Variants in CEP350 observed in about 807,000 individuals in gnomAD.
CEP350 encodes the protein centrosome-associated protein 350.
Under a neutral mutation model 331.8 loss-of-function variants are expected in CEP350, and 126 were observed. The observed-to-expected ratio is 0.38, with a 90% CI of 0.33 to 0.44. The LOEUF is 0.44. CEP350 is among the 20% of genes least tolerant of loss of function. The pLI is 1.00. For synonymous variants in CEP350, 1,200 were observed against 1,259.5 expected, an observed-to-expected ratio of 0.95 and a Z score of 1.00; for missense variants, 3,406 against 3,634.6, an observed-to-expected ratio of 0.94 and a Z score of 1.62.
In CEP350 at chr1:180,105,413, T is replaced by C. The variant is rs1250115046; in HGVS notation, c.9190-5584T>C. Among the ~76,000 whole-genome samples the C allele has an allele frequency of 2.6e-5, 4 of 152,276 alleles. No homozygotes were observed. In the East Asian group the frequency reaches 7.7e-4, roughly 29 times the overall value. On this transcript the variant is annotated intron_variant, in intron 37 of 37. Coordinates refer to ENST00000367607, the MANE Select transcript of CEP350 (RefSeq NM_014810.5). ...CATATCTCCAGCCTAGGACTCTTGCTTGACTCCAGATGCATATAGCCATTT... is the reference window on the plus strand; with the variant it reads ...CATATCTCCAGCCTAGGACTCTTGCCTGACTCCAGATGCATATAGCCATTT...
chr1:180,013,744 T>G, intron 9 of CEP350, 103 bp from the exon 10 acceptor site: 1 of 1,066,174 alleles, frequency 9.4e-7, no homozygotes, highest in East Asian at 2.4e-5. Flanking sequence ...AATTTGAGTT[T>G]AAGTAAGATA....
At chr1:180,018,376 T>A (rs1177919386) in intron 11 of CEP350, among the ~76,000 whole-genome samples, 1 of 152,158 alleles carries the variant, frequency 6.6e-6, no homozygotes. Context: ...ACCATCAACA[T>A]ATCACCTGCT....
chr1:180,054,022 A>G (rs373406752), intron 24 of CEP350, 88 bp downstream of exon 24: 1 of 1,041,450 alleles, frequency 9.6e-7, no homozygotes, highest in Non-Finnish European at 1.3e-6. Flanking sequence ...TCCTCATTTC[A>G]TTTGATTAGA....
At chr1:180,053,992 T>C in intron 24 of CEP350, 58 bp downstream of exon 24, 1 of 1,316,762 alleles carries the variant, frequency 7.6e-7, no homozygotes, top group East Asian at 2.4e-5. Context: ...GAATGCTTTA[T>C]ATTTTAAGAT....
chr1:180,015,146 C>G (rs1453398494), intron 10 of CEP350, among the ~76,000 whole-genome samples: 3 of 151,972 alleles, frequency 2.0e-5, no homozygotes, highest in African/African-American at 7.3e-5. Flanking sequence ...TCAAGGGTGG[C>G]AGAGGCAAAA....
intron 22 of CEP350, among the ~76,000 whole-genome samples, chr1:180,052,053 A>G (rs1279920033): frequency 6.6e-6 from 1 of 152,222 alleles, no homozygotes; most frequent in African/African-American, 2.4e-5. Flanking sequence ...GGATGGGTAC[A>G]AAAGCAATTG....
rs1164819412 is a variant in CEP350, at chr1:180,065,205, A to G, written c.5500A>G (p.Ile1834Val). 7 of 1,613,738 alleles carry G rather than the reference A, an allele frequency of 4.3e-6. No homozygotes were observed. The highest frequency in any genetic ancestry group is 1.3e-5 in the African/African-American group (1 of 74,910). ...LETRSPSPIS[I>V]SSSETSSIMQ... ...GACCCGCAGTCCTTCTCCCATTTCA[A>G]TCTCCAGCAGTGAAACTAGCAGCAT... The change falls in exon 27 of 38, where the codon ATC becomes GTC. Residue 1834 changes from isoleucine to valine, a missense_variant. This residue lies in a region of CEP350 where 1,415 missense variants were observed against 1,512.3 expected (regional missense o/e 0.94). Coordinates refer to ENST00000367607, the MANE Select transcript of CEP350 (RefSeq NM_014810.5).
At chr1:179,960,476 G>C (rs574186066) in intron 1 of CEP350, among the ~76,000 whole-genome samples, 38 of 152,262 alleles carry the variant, frequency 2.5e-4, no homozygotes, top group Admixed American at 6.5e-4. Context: ...TGCATTATTT[G>C]AGAAATTTTA....
At chr1:179,987,751 G>A (rs1368796069) in intron 3 of CEP350, among the ~76,000 whole-genome samples, 7 of 151,274 alleles carry the variant, frequency 4.6e-5, no homozygotes, top group Non-Finnish European at 1.0e-4. Context: ...ACATGGCAAA[G>A]CCCTGTCTCT....
intron 1 of CEP350, chr1:179,968,796 T>C (rs1651211186): frequency 1.9e-5 from 13 of 686,046 alleles, no homozygotes; most frequent in South Asian, 1.8e-4. Flanking sequence ...ACATCATAAA[T>C]CTGAAGAGGA....
rs746595319 is a variant in CEP350, at chr1:180,034,044, C to T, written c.3908C>T (p.Ala1303Val). The change falls in exon 16 of 38, where the codon GCC becomes GTC. Residue 1303 changes from alanine to valine, a missense_variant. This residue lies in a region of CEP350 where 1,857 missense variants were observed against 1,909.2 expected (regional missense o/e 0.97). Transcript: ENST00000367607. ...NAPLTDLNPA[A>V]SRTTTENMAP... The stretch of plus-strand genomic sequence containing the variant: ...CCTCTCACTGATCTGAACCCGGCAG[C>T]CAGCAGAACAACGACAGAGAACATG... The T allele has an allele frequency of 7.2e-5, 116 of 1,613,602 alleles. No homozygotes were observed. The highest frequency in any genetic ancestry group is 1.3e-4 in the Admixed American group (8 of 59,952).
chr1:180,062,829 C>T (rs1452756170), intron 26 of CEP350, among the ~76,000 whole-genome samples: 1 of 152,172 alleles, frequency 6.6e-6, no homozygotes, highest in African/African-American at 2.4e-5. Flanking sequence ...TCTGATTTCC[C>T]ACTGTCTTAA....
chr1:180,000,616 G>C (rs577288910), intron 6 of CEP350: 55 of 179,706 alleles, frequency 3.1e-4, no homozygotes, highest in Non-Finnish European at 5.7e-4. Context: ...CTTGTCACCA[G>C]CAAAATGGGT....
At position 180,050,690 on chromosome 1, in the gene CEP350, AC is replaced by A. The variant is rs58430701; in HGVS notation, c.4792+1986del. Among the ~76,000 whole-genome samples, 1,188 of 147,122 alleles carry A rather than the reference AC, an allele frequency of 8.1e-3. 5 individuals carry two copies. Among genetic ancestry groups the A allele is most frequent in the African/African-American group, 0.029 (1,101 of 38,440 alleles). ...AAAAAAACCAAAAAAAAAAAAAAAA[AC>A]AAAAAAACCTCAATAATAGGAAAAA... is the stretch of plus-strand genomic sequence containing the variant. On this transcript the variant is annotated intron_variant, in intron 22 of 37. Transcript: ENST00000367607.
intron 1 of CEP350, among the ~76,000 whole-genome samples, chr1:179,979,917 G>A (rs779810449): frequency 3.9e-5 from 6 of 152,080 alleles, no homozygotes; most frequent in Non-Finnish European, 5.9e-5. Context: ...GCAGTACTAT[G>A]CTGTTTTGGT....
rs1257221567 is a variant in CEP350, at chr1:180,011,965, A to G, written c.1283A>G (p.Asp428Gly). 3 of 1,602,128 alleles carry G rather than the reference A, an allele frequency of 1.9e-6. No individual in the cohort carries two copies. Among genetic ancestry groups the G allele is most frequent in the African/African-American group, 1.3e-5 (1 of 74,648 alleles). ...CTTATAAGTACATCTTCTTGGCGAGATGGACAAAAATTAGTAAAGAAGATT... is the reference window on the plus strand; with the variant it reads ...CTTATAAGTACATCTTCTTGGCGAGGTGGACAAAAATTAGTAAAGAAGATT... ...SHLISTSSWR[D>G]GQKLVKKILG... The change falls in exon 9 of 38, where the codon GAT (aspartate) becomes GGT (glycine). Residue 428 changes from aspartate (D) to glycine (G), a missense_variant. Physicochemically the swap from Asp to Gly is moderately conservative, Grantham distance 94. This residue lies in a region of CEP350 where 1,857 missense variants were observed against 1,909.2 expected (regional missense o/e 0.97). Transcript: ENST00000367607.
intron 1 of CEP350, among the ~76,000 whole-genome samples, chr1:179,972,258 A>G (rs557882922): frequency 6.6e-6 from 1 of 152,314 alleles, no homozygotes; most frequent in Non-Finnish European, 1.5e-5. Flanking sequence ...GAGGTCGCCC[A>G]GCGAGAGAGT....
chr1:179,977,586 A>T (rs1420800937), intron 1 of CEP350, among the ~76,000 whole-genome samples: 2 of 152,180 alleles, frequency 1.3e-5, no homozygotes, highest in African/African-American at 4.8e-5. Context: ...CTATTTGCAG[A>T]TAATTGAAGA....
intron 10 of CEP350, 101 bp from the exon 11 acceptor site, chr1:180,015,748 T>G: frequency 5.0e-4 from 659 of 1,317,658 alleles, no homozygotes; most frequent in Non-Finnish European, 6.2e-4. Context: ...CTACATTTTA[T>G]GATCTTTGTA....
Sources: gnomAD v4.1 joint callset for allele counts (sites outside exome capture counted in the v4.1 genomes callset) on GRCh38, gnomAD v4.1.1 for gene constraint, gnomAD v4.1.1 regional missense constraint, MANE v1.5 for transcripts, NCBI Gene and HGNC (gene_info 2026-07-23, HGNC 2026-07-21) for gene names.